CPPED1: variants seen among roughly 807,000 people sequenced by gnomAD.
The protein encoded by CPPED1 is calcineurin like phosphoesterase domain containing 1.
In CPPED1, 28 loss-of-function variants were observed where a neutral mutation model predicts 28.0. The observed-to-expected ratio is 1.00, with a 90% CI of 0.74 to 1.37. The LOEUF is 1.37. Among genes scored for constraint, CPPED1 ranks in the 40% most tolerant of loss-of-function variants. The pLI, the probability that CPPED1 is intolerant of heterozygous loss-of-function variation, is 0.00. For synonymous variants in CPPED1, 198 were observed against 180.2 expected (o/e 1.10, Z -0.79); for missense variants, 504 against 416.5 (o/e 1.21, Z -1.83).
chr16:12,742,802 A>G (rs1422248505), intron 2 of CPPED1, among the ~76,000 whole-genome samples: 1 of 152,050 alleles, frequency 6.6e-6, no homozygotes, highest in Non-Finnish European at 1.5e-5. Context: ...GACTCACAGG[A>G]CCCCGCATAT....
chr16:12,709,759 AGACT>A lies in CPPED1; in HGVS notation c.290-4714_290-4711del, dbSNP rs577938439. Among the ~76,000 whole-genome samples, 10 of 152,318 alleles carry A rather than the reference AGACT, an allele frequency of 6.6e-5. No individual in the cohort carries two copies. The South Asian group carries it at 2.1e-3, about 32-fold the overall frequency. ...AGCTATGATCATAGGTAATGGTGAA[AGACT>A]GACTGCCTTCCTCCAAGATCAGGAA... On this transcript the variant is annotated intron_variant, in intron 2 of 3. Coordinates refer to ENST00000381774, the MANE Select transcript of CPPED1 (RefSeq NM_018340.3). The surrounding 1 kb of genome is among the most constrained non-coding windows in gnomAD (Gnocchi z 4.4).
Position 12,765,124 on chromosome 16 carries a change from G to A in CPPED1, c.289+16061C>T, listed in dbSNP as rs77425517. On this transcript the variant is annotated intron_variant, in intron 2 of 3. Coordinates refer to ENST00000381774, the MANE Select transcript of CPPED1 (RefSeq NM_018340.3). ...GATTAAACACATTTACTTTCATCTA[G>A]TCCCAGAGAATTTATGGAGCCATAA... Among the ~76,000 whole-genome samples, 1,363 of 152,278 alleles carry A rather than the reference G, an allele frequency of 9.0e-3. 19 individuals are homozygous for A. Among genetic ancestry groups the A allele is most frequent in the African/African-American group, 0.031 (1,299 of 41,546 alleles).
At chr16:12,727,354 T>C (rs979965271) in intron 2 of CPPED1, among the ~76,000 whole-genome samples, 4 of 152,056 alleles carry the variant, frequency 2.6e-5, no homozygotes, top group African/African-American at 9.7e-5. Context: ...TCAAAGCCTT[T>C]TGTTTCTTTG....
At chr16:12,747,603 C>T (rs114280606) in intron 2 of CPPED1, among the ~76,000 whole-genome samples, 2,095 of 152,076 alleles carry the variant, frequency 0.014, 28 homozygotes, top group South Asian at 0.059. Flanking sequence ...CTACACACAA[C>T]GAAAACTCCA....
chr16:12,705,168 T>A, intron 2 of CPPED1, 119 bp from the exon 3 acceptor site: 1 of 1,118,976 alleles, frequency 8.9e-7, no homozygotes, highest in Non-Finnish European at 1.2e-6. Context: ...CCACTCCACC[T>A]AGCACATGGA....
chr16:12,721,080 A>G (rs1248090961), intron 2 of CPPED1, among the ~76,000 whole-genome samples: 1 of 152,192 alleles, frequency 6.6e-6, no homozygotes, highest in African/African-American at 2.4e-5. Context: ...GTTTACTGGG[A>G]ACCCAGGTGG....
intron 2 of CPPED1, among the ~76,000 whole-genome samples, chr16:12,775,257 C>G (rs560033801): frequency 2.6e-5 from 4 of 152,246 alleles, no homozygotes; most frequent in African/African-American, 9.6e-5. Flanking sequence ...GCCCCTTGAC[C>G]TTGGACTTCT....
intron 3 of CPPED1, among the ~76,000 whole-genome samples, chr16:12,694,292 T>C (rs1344366743): frequency 6.6e-6 from 1 of 152,210 alleles, no homozygotes; most frequent in Non-Finnish European, 1.5e-5. Context: ...GTTTTGTTCA[T>C]CCCTCCATCC....
At chr16:12,681,994 C>G (rs913163613) in intron 3 of CPPED1, among the ~76,000 whole-genome samples, 2 of 152,068 alleles carry the variant, frequency 1.3e-5, no homozygotes, top group Admixed American at 1.3e-4. Flanking sequence ...CTATCCTGGA[C>G]TCGAGGATTA....
intron 1 of CPPED1, among the ~76,000 whole-genome samples, chr16:12,785,111 G>A (rs765052250): frequency 6.6e-5 from 10 of 152,120 alleles, no homozygotes; most frequent in African/African-American, 9.7e-5. Context: ...TGGTCTCATC[G>A]TAATTTCTTT....
At chr16:12,693,438 C>T (rs1044714028) in intron 3 of CPPED1, among the ~76,000 whole-genome samples, 6 of 152,064 alleles carry the variant, frequency 3.9e-5, no homozygotes, top group Admixed American at 2.6e-4. Flanking sequence ...TCAAGCGACC[C>T]GCCCACCTCG....
At chr16:12,667,542 C>A (rs1337322520) in intron 3 of CPPED1, among the ~76,000 whole-genome samples, 3 of 152,056 alleles carry the variant, frequency 2.0e-5, no homozygotes, top group Non-Finnish European at 1.5e-5. Context: ...TTGCTTGATG[C>A]CAGGAGTATG....
At chr16:12,776,606 CTCTT>C (rs1015776946) in intron 2 of CPPED1, among the ~76,000 whole-genome samples, 2 of 152,156 alleles carry the variant, frequency 1.3e-5, no homozygotes, top group African/African-American at 4.8e-5. Flanking sequence ...GTTCTCTTCT[CTCTT>C]GTCTGCTGCC....
At chr16:12,707,293 T>C (rs2080056585) in intron 2 of CPPED1, among the ~76,000 whole-genome samples, 1 of 152,188 alleles carries the variant, frequency 6.6e-6, no homozygotes, top group Admixed American at 6.5e-5. Context: ...TTTGGGATAT[T>C]CAATCACTGA....
At chr16:12,803,628 C>G (rs1567311078) in intron 1 of CPPED1, 79 bp downstream of exon 1, 5 of 1,229,332 alleles carry the variant, frequency 4.1e-6, no homozygotes, top group Non-Finnish European at 5.4e-6. Context: ...TGGCGGAGCG[C>G]ACACCTGAAC....
In CPPED1 at chr16:12,776,647, G is replaced by A. The variant is rs568309901; in HGVS notation, c.289+4538C>T. Among the ~76,000 whole-genome samples, 41 of 152,194 alleles carry A rather than the reference G, an allele frequency of 2.7e-4. No homozygotes were observed. The South Asian group carries it at 7.7e-3, about 29-fold the overall frequency. On this transcript the variant is annotated intron_variant, in intron 2 of 3. Coordinates refer to ENST00000381774, the MANE Select transcript of CPPED1 (RefSeq NM_018340.3). ...TATAAGATGTGCCTTTCAGCTGGGC[G>A]TGGTGGCTCACGCCTGTAATCACAG...
rs762127968 is a variant in CPPED1, at chr16:12,704,700, G to A, written c.639C>T (p.Ile213=). 1.1e-5 allele frequency: 17 copies of A among 1,614,064 alleles called. No homozygotes were observed. The highest frequency in any genetic ancestry group is 2.2e-5 in the East Asian group (1 of 44,900). ...TGAAGTAGTAGTCGTCGTCCTCGTC[G>A]ATGCTCTCCAGGAACAGCGGGATGT... The part of the protein sequence containing the change: ...FQHIPLFLES[I]DEDDDYYFNL... Residue 213 remains isoleucine (I), a synonymous_variant, in exon 3 of 4, where the codon ATC becomes ATT. Transcript: ENST00000381774.
chr16:12,742,919 C>T (rs1220194637), intron 2 of CPPED1, among the ~76,000 whole-genome samples: 1 of 152,176 alleles, frequency 6.6e-6, no homozygotes, highest in African/African-American at 2.4e-5. Context: ...CACCAGTTTC[C>T]TCTCCCAGTG....
intron 2 of CPPED1, among the ~76,000 whole-genome samples, chr16:12,727,672 T>C (rs1418495895): frequency 2.0e-5 from 3 of 152,084 alleles, no homozygotes; most frequent in Non-Finnish European, 2.9e-5. Context: ...ATTCAAACAT[T>C]TTAATCTGAT....
Sources: gnomAD v4.1 joint callset for allele counts (sites outside exome capture counted in the v4.1 genomes callset) on GRCh38, gnomAD v4.1.1 for gene constraint, Gnocchi (gnomAD v3.1) non-coding constraint, MANE v1.5 for transcripts, NCBI Gene and HGNC (gene_info 2026-07-23, HGNC 2026-07-21) for gene names.